The following LGALS16 variants were observed in gnomAD, a reference collection of about 807,000 sequenced individuals.
LGALS16 encodes galectin-16.
Under a neutral mutation model 13.2 loss-of-function variants are expected in LGALS16, and 15 were observed. The ratio of observed to expected loss-of-function variants is 1.13; its 90% CI spans 0.76 to 1.75. The LOEUF (loss-of-function observed/expected upper bound fraction) is 1.75. LGALS16 is among the 40% of genes most tolerant of loss of function. LGALS16 has a pLI of 0.00. For synonymous variants in LGALS16, 66 were observed against 65.4 expected, an observed-to-expected ratio of 1.01 and a Z score of -0.05; for missense variants, 198 against 178.4, an observed-to-expected ratio of 1.11 and a Z score of -0.63.
rs546065861 is a variant in LGALS16, at chr19:39,656,584, A to G, written c.15+608A>G. Among the ~76,000 whole-genome samples the G allele has an allele frequency of 2.1e-3, 318 of 152,304 alleles. 1 individual carries two copies. The highest frequency in any genetic ancestry group is 7.3e-3 in the African/African-American group (302 of 41,568). ...GTGGATCCCAGGTGGCTTAACTGGT[A>G]GGGATCTTGGAGATTGTGAGTTACC... is the stretch of plus-strand genomic sequence containing the variant. On this transcript the variant is annotated intron_variant, in intron 1 of 3. Coordinates refer to ENST00000392051, the MANE Select transcript of LGALS16 (RefSeq NM_001190441.3).
At position 39,658,684 on chromosome 19, in the gene LGALS16, G is replaced by C; in HGVS notation, c.303+14G>C. The C allele has an allele frequency of 6.6e-7, 1 of 1,522,076 alleles. No homozygotes were observed. The highest frequency in any genetic ancestry group is 1.4e-5 in the African/African-American group (1 of 72,914). The allele number at this position is 1,522,076 out of a possible 1,614,324, so 94.3% of individuals were successfully genotyped here. A position where few individuals can be genotyped will look rare whatever the true frequency, so the allele number is the denominator to read the frequency against. On this transcript the variant is annotated intron_variant, in intron 3 of 3. Coordinates refer to ENST00000392051, the MANE Select transcript of LGALS16 (RefSeq NM_001190441.3). ...AATGAGTATGAGGTGAGCACCCCAG[G>C]AGCTCGCAGTACCCAGGCTCTTTGG...
Position 39,660,548 on chromosome 19 carries a change from T to C in LGALS16, c.*28T>C. 2 of 1,543,534 alleles carry C rather than the reference T, an allele frequency of 1.3e-6. No individual in the cohort carries two copies. Among genetic ancestry groups the C allele is most frequent in the Non-Finnish European group, 1.7e-6 (2 of 1,147,156 alleles). On this transcript the variant is annotated 3_prime_UTR_variant, in exon 4 of 4. Coordinates refer to ENST00000392051, the MANE Select transcript of LGALS16 (RefSeq NM_001190441.3). The stretch of plus-strand genomic sequence containing the variant: ...ACACTCCTCATTGTTGAGGAAACCC[T>C]CTTTCTACCTGACCATGGGATTCCT...
Position 39,655,971 on chromosome 19 carries a change from C to T in LGALS16, c.10C>T (p.Leu4=). 6.2e-7 allele frequency: 1 copy of T among 1,613,604 alleles called. No homozygotes were observed. Among genetic ancestry groups the T allele is most frequent in the African/African-American group, 1.3e-5 (1 of 75,048 alleles). MSF[L]TVPYKLPVSL... is the part of the protein sequence containing the mutation. The stretch of plus-strand genomic sequence containing the variant: ...CCAGAAGGAGAGGACAATGTCATTT[C>T]TAACTGTGAGTTGAAAAGGCACAGC... The change falls in exon 1 of 4, where the codon CTA becomes TTA. Residue 4 remains leucine, a synonymous_variant. Transcript: ENST00000392051.
intron 3 of LGALS16, among the ~76,000 whole-genome samples, chr19:39,660,035 G>A (rs565519450): frequency 2.0e-5 from 3 of 152,292 alleles, no homozygotes; most frequent in Admixed American, 1.3e-4. Flanking sequence ...ATGCATTTCA[G>A]TGAACATGGT....
At chr19:39,657,632 C>G (rs912320064) in intron 1 of LGALS16, among the ~76,000 whole-genome samples, 1 of 152,162 alleles carries the variant, frequency 6.6e-6, no homozygotes, top group Non-Finnish European at 1.5e-5. Context: ...AGTAACCGAT[C>G]TAAGATTGCA....
rs1044555753 is a variant in LGALS16, at chr19:39,657,962, G to C, written c.92+3G>C. The C allele has an allele frequency of 1.9e-6, 3 of 1,613,752 alleles. No homozygotes were observed. In the African/African-American group the frequency reaches 4.0e-5, roughly 22 times the overall value. On this transcript the variant is annotated splice_donor_region_variant and intron_variant, in intron 2 of 3. Transcript: ENST00000392051. ...GGGACACTGATCGACTCTTCTATGT[G>C]AGTACTCCATGGTCCAATGGAGGGG...
rs1422086223 is a variant in LGALS16, at chr19:39,660,386, C to T, written c.304-9C>T. The T allele has an allele frequency of 6.5e-7, 1 of 1,540,422 alleles. No individual in the cohort carries two copies. The highest frequency in any genetic ancestry group is 2.0e-5 in the Admixed American group (1 of 51,204). On this transcript the variant is annotated splice_polypyrimidine_tract_variant and intron_variant, in intron 3 of 3. Transcript: ENST00000392051. ...ATACTGTCTTTCTGATGCATTTTTC[C>T]TCTTAAAGGTAAAGGTAAATGGTGA...
In LGALS16 at chr19:39,658,580, A is replaced by G. The variant is rs776935637; in HGVS notation, c.213A>G (p.Ile71Met). Residue 71 changes from isoleucine (I) to methionine (M), a missense_variant, in exon 3 of 4, where the codon ATA becomes ATG. Physicochemically the swap from Ile to Met is conservative, Grantham distance 10 (BLOSUM62 1). Transcript: ENST00000392051. ...RVVMNSREFG[I>M]WMLEENLHYV... Reference sequence around the variant, plus strand: ...TCATGAACAGTCGTGAGTTTGGGATATGGATGTTGGAGGAGAATTTACACT... The same window carrying G: ...TCATGAACAGTCGTGAGTTTGGGATGTGGATGTTGGAGGAGAATTTACACT... 1.9e-6 allele frequency: 3 copies of G among 1,608,694 alleles called. No individual in the cohort carries two copies. The South Asian group carries it at 3.3e-5, about 18-fold the overall frequency.
intron 2 of LGALS16, 150 bp from the exon 3 acceptor site, chr19:39,658,310 G>A (rs998018052): frequency 1.3e-5 from 9 of 704,354 alleles, no homozygotes; most frequent in Non-Finnish European, 2.2e-5. Context: ...GGGGCACGAG[G>A]AGCTGAAGCA....
chr19:39,660,276 T>A (rs898602559), intron 3 of LGALS16, 119 bp from the exon 4 acceptor site: 1 of 932,882 alleles, frequency 1.1e-6, no homozygotes. Flanking sequence ...TCTACAACAT[T>A]CGCTTGTATA....
In LGALS16 at chr19:39,660,597, C is replaced by T; in HGVS notation, c.*77C>T. 8.1e-7 allele frequency: 1 copy of T among 1,236,524 alleles called. No individual in the cohort carries two copies. Among genetic ancestry groups the T allele is most frequent in the African/African-American group, 1.5e-5 (1 of 67,120 alleles). The allele number at this position is 1,236,524 out of a possible 1,614,324, so 76.6% of individuals were successfully genotyped here. On this transcript the variant is annotated 3_prime_UTR_variant, in exon 4 of 4. Transcript: ENST00000392051. Reference sequence around the variant, plus strand: ...CTAGAGCCTGCTAACAGAATAATCCCTCCTCAACCCCTTCCCCTACACTTG... The same window carrying T: ...CTAGAGCCTGCTAACAGAATAATCCTTCCTCAACCCCTTCCCCTACACTTG...
At chr19:39,658,186 T>A (rs747414761) in intron 2 of LGALS16, among the ~76,000 whole-genome samples, 6 of 152,174 alleles carry the variant, frequency 3.9e-5, no homozygotes, top group Non-Finnish European at 7.4e-5. Context: ...GTTGGGACTG[T>A]GGCTCTTTAT....
Position 39,657,750 on chromosome 19 carries a change from G to A in LGALS16, c.16-133G>A, listed in dbSNP as rs191231734. On this transcript the variant is annotated intron_variant, in intron 1 of 3. Coordinates refer to ENST00000392051, the MANE Select transcript of LGALS16 (RefSeq NM_001190441.3). ...CCTTCAGGAATGTGGGGCCCTGACTGTGGTAGAGTGAATGGGGAGAGTCCA... is the reference window on the plus strand; with the variant it reads ...CCTTCAGGAATGTGGGGCCCTGACTATGGTAGAGTGAATGGGGAGAGTCCA... 1.6e-5 allele frequency: 16 copies of A among 974,332 alleles called. No individual in the cohort carries two copies. In the East Asian group the frequency reaches 3.5e-4, roughly 21 times the overall value. The allele number at this position is 974,332 out of a possible 1,614,324, so 60.4% of individuals were successfully genotyped here.
intron 3 of LGALS16, among the ~76,000 whole-genome samples, chr19:39,660,075 C>T (rs185363490): frequency 3.3e-5 from 5 of 152,224 alleles, no homozygotes; most frequent in Non-Finnish European, 7.4e-5. Flanking sequence ...AGGTCCTGTG[C>T]GAGATGCAGG....
At position 39,655,923 on chromosome 19, in the gene LGALS16, CTG is replaced by C; in HGVS notation, c.-38_-37del. On this transcript the variant is annotated 5_prime_UTR_variant, in exon 1 of 4. Transcript: ENST00000392051. ...GCAACTCAGAGATTCACTCAGAAGA[CTG>C]GACACAATTCCGAAGGTCGCCCAGA... 1 of 1,612,242 alleles carries C rather than the reference CTG, an allele frequency of 6.2e-7. No homozygotes were observed. Among genetic ancestry groups the C allele is most frequent in the Middle Eastern group, 1.7e-4 (1 of 6,060 alleles).
At chr19:39,659,096 C>T (rs924665402) in intron 3 of LGALS16, among the ~76,000 whole-genome samples, 10 of 127,264 alleles carry the variant, frequency 7.9e-5, no homozygotes, top group Admixed American at 1.5e-4. Flanking sequence ...AGAGAGAATC[C>T]TTTTTCTTTT....
chr19:39,656,071 A>G (rs1404691115), intron 1 of LGALS16, 95 bp downstream of exon 1: 1 of 1,284,406 alleles, frequency 7.8e-7, no homozygotes, highest in East Asian at 2.5e-5. Flanking sequence ...GAGCATTCCT[A>G]CTGTGAATGC....
intron 3 of LGALS16, 67 bp from the exon 4 acceptor site, chr19:39,660,328 A>T: frequency 6.7e-7 from 1 of 1,491,706 alleles, no homozygotes; most frequent in South Asian, 1.2e-5. Flanking sequence ...ACTAGGGCAG[A>T]GTAGAGAAGA....
In LGALS16 at chr19:39,658,609, T is replaced by A. The variant is rs1973223737; in HGVS notation, c.242T>A (p.Val81Glu). The A allele has an allele frequency of 6.2e-7, 1 of 1,605,548 alleles. No individual in the cohort carries two copies. The highest frequency in any genetic ancestry group is 1.3e-5 in the African/African-American group (1 of 74,974). ...ATGTTGGAGGAGAATTTACACTATG[T>A]GCCCTTTGAGGATGGCAAACCATTT... Reference protein sequence around the residue: ...IWMLEENLHYVPFEDGKPFDL... With the variant: ...IWMLEENLHYEPFEDGKPFDL... Residue 81 changes from valine to glutamate, a missense_variant, in exon 3 of 4, where the codon GTG becomes GAG. Physicochemically the swap from Val to Glu is moderately radical, Grantham distance 121 (BLOSUM62 -2). Transcript: ENST00000392051.
Sources: gnomAD v4.1 joint callset for allele counts (sites outside exome capture counted in the v4.1 genomes callset) on GRCh38, gnomAD v4.1.1 for gene constraint, MANE v1.5 for transcripts, NCBI Gene and HGNC (gene_info 2026-07-23, HGNC 2026-07-21) for gene names.